The following TEP1 variants were observed in gnomAD, a reference collection of about 807,000 sequenced individuals.
TEP1 encodes the protein telomerase associated protein 1.
TEP1 carries 241 observed loss-of-function variants against 306.3 expected under a neutral mutation model. That is an observed-to-expected ratio of 0.79 (90% CI 0.71 to 0.88). The LOEUF (loss-of-function observed/expected upper bound fraction) is 0.88. Ranked by LOEUF, TEP1 falls within the 40% of genes least tolerant of loss-of-function variation. The pLI, the probability that TEP1 is intolerant of heterozygous loss-of-function variation, is 0.00. For synonymous variants in TEP1, 1,289 were observed against 1,305.5 expected (o/e 0.99, Z 0.27); for missense variants, 3,051 against 3,276.1 (o/e 0.93, Z 1.68).
At position 20,410,020 on chromosome 14, in the gene TEP1, C is replaced by CAAAAAAAA. The variant is rs570672845; in HGVS notation, c.-24-1565_-24-1558dup. ...TGGGCGACAGAGCAAGACTCTGTCT[C>CAAAAAAAA]AAAAAAAAAAAAAAAAAAAAAAAAA... On this transcript the variant is annotated intron_variant, in intron 1 of 54. Transcript: ENST00000262715. Among the ~76,000 whole-genome samples the CAAAAAAAA allele has an allele frequency of 2.1e-3, 126 of 58,940 alleles. 10 individuals carry two copies. The highest frequency in any genetic ancestry group is 0.01 in the Middle Eastern group (1 of 96). 38.7% of individuals were successfully genotyped at this position (58,940 alleles called of 152,430 possible). A position where few individuals can be genotyped will look rare whatever the true frequency, so the allele number is the denominator to read the frequency against.
At chr14:20,394,551 C>T (rs1002197598) in intron 12 of TEP1, among the ~76,000 whole-genome samples, 1 of 148,692 alleles carries the variant, frequency 6.7e-6, no homozygotes, top group Non-Finnish European at 1.5e-5. Flanking sequence ...GCGATCTCAG[C>T]TCACAGCAAC....
Position 20,384,472 on chromosome 14 carries a change from C to A in TEP1, c.3258G>T (p.Arg1086=). 1 of 1,614,138 alleles carries A rather than the reference C, an allele frequency of 6.2e-7. No homozygotes were observed. The highest frequency in any genetic ancestry group is 8.5e-7 in the Non-Finnish European group (1 of 1,180,028). ...PCEWGGVAAG[R]PYVGGLEEFG... is the part of the protein sequence containing the mutation. ...ACTCCTCCAGCCCGCCAACATAGGG[C>A]CGGCCAGCTGCCACACCCCCCCACT... Residue 1086 remains arginine, a synonymous_variant, in exon 23 of 55, where the codon CGG becomes CGT. Coordinates refer to ENST00000262715, the MANE Select transcript of TEP1 (RefSeq NM_007110.5).
At position 20,390,984 on chromosome 14, in the gene TEP1, T is replaced by A. The variant is rs776636689; in HGVS notation, c.2210A>T (p.Glu737Val). 1 of 1,614,176 alleles carries A rather than the reference T, an allele frequency of 6.2e-7. No individual in the cohort carries two copies. The highest frequency in any genetic ancestry group is 8.5e-7 in the Non-Finnish European group (1 of 1,180,036). The change falls in exon 14 of 55, where the codon GAA becomes GTA. Residue 737 changes from glutamate (E) to valine (V), a missense_variant. This residue lies in a region of TEP1 where 1,507 missense variants were observed against 1,550.5 expected (regional missense o/e 0.97). Coordinates refer to ENST00000262715, the MANE Select transcript of TEP1 (RefSeq NM_007110.5). ...DTLKTAVLKA[E>V]EGILKTAIKL... ...GATGGCAGTCTTCAGGATGCCTTCT[T>A]CTGCCTTAAGCACTGCAGTCTTCAG...
chr14:20,382,387 T>G, intron 28 of TEP1, 31 bp from the exon 29 acceptor site: 1 of 1,582,910 alleles, frequency 6.3e-7, no homozygotes. Flanking sequence ...CCTTGTTCAG[T>G]GCAGTGGGAG....
Position 20,389,623 on chromosome 14 carries a change from T to C in TEP1, c.2452A>G (p.Arg818Gly), listed in dbSNP as rs749602668. ...AAGCACCCTTACAGGTATTGTACCC[T>C]TCTTAGGAGGATACCAACAAAGAGG... The part of the protein sequence containing the change: ...KCLFVGILLR[R>G]VQYLSTDLNP... Residue 818 changes from arginine to glycine, a missense_variant, in exon 16 of 55, where the codon AGG (arginine) becomes GGG (glycine). Physicochemically the swap from Arg to Gly is moderately radical, Grantham distance 125. Coordinates refer to ENST00000262715, the MANE Select transcript of TEP1 (RefSeq NM_007110.5). 6.2e-7 allele frequency: 1 copy of C among 1,614,184 alleles called. No individual in the cohort carries two copies. The highest frequency in any genetic ancestry group is 1.7e-5 in the Admixed American group (1 of 60,026).
In TEP1 at chr14:20,384,340, G is replaced by C. The variant is rs148872333; in HGVS notation, c.3339+51C>G. ...GCTACTTCCTCCCCAGGACAACCCA[G>C]ACCACCCCATGTCCCTCTCCATGCC... On this transcript the variant is annotated intron_variant, in intron 23 of 54. Coordinates refer to ENST00000262715, the MANE Select transcript of TEP1 (RefSeq NM_007110.5). 1.8e-3 allele frequency: 2,966 copies of C among 1,612,390 alleles called. 12 individuals carry two copies. The highest frequency in any genetic ancestry group is 4.5e-3 in the Middle Eastern group (27 of 6,056).
Position 20,401,750 on chromosome 14 carries a change from A to G in TEP1, c.1267-169T>C, listed in dbSNP as rs1172845269. ...GAGGGTACAAATCTCTGGCAACAAG[A>G]GCTCCCATGGTAAGCAGCACAGGAT... On this transcript the variant is annotated intron_variant, in intron 7 of 54. Transcript: ENST00000262715. Among the ~76,000 whole-genome samples the G allele has an allele frequency of 2.0e-5, 3 of 152,304 alleles. No homozygotes were observed. The East Asian group carries it at 5.8e-4, about 29-fold the overall frequency.
Position 20,384,034 on chromosome 14 carries a change from G to A in TEP1, c.3534+4C>T. Reference sequence around the variant, plus strand: ...CTCCTGCCCAGGCCCCTGAGACTCTGTACCAGGAAGGCTGTCTTGCCCTGT... The same window carrying A: ...CTCCTGCCCAGGCCCCTGAGACTCTATACCAGGAAGGCTGTCTTGCCCTGT... On this transcript the variant is annotated splice_donor_region_variant and intron_variant, in intron 24 of 54. Coordinates refer to ENST00000262715, the MANE Select transcript of TEP1 (RefSeq NM_007110.5). The A allele has an allele frequency of 6.3e-7, 1 of 1,599,908 alleles. No homozygotes were observed. The highest frequency in any genetic ancestry group is 8.5e-7 in the Non-Finnish European group (1 of 1,173,110).
intron 9 of TEP1, among the ~76,000 whole-genome samples, chr14:20,397,803 G>C (rs1019198746): frequency 6.6e-6 from 1 of 151,898 alleles, no homozygotes; most frequent in Non-Finnish European, 1.5e-5. Context: ...ACCCAGGCTA[G>C]AGTGTGGTGG....
At chr14:20,387,873 C>G (rs1877334398) in intron 18 of TEP1, 32 bp downstream of exon 18, 1 of 1,558,058 alleles carries the variant, frequency 6.4e-7, no homozygotes, top group Non-Finnish European at 8.6e-7. Context: ...CAGCCCCTCC[C>G]AATTCACAAA....
chr14:20,384,791 T>C (rs1876978589), intron 21 of TEP1, 78 bp from the exon 22 acceptor site: 1 of 1,504,398 alleles, frequency 6.6e-7, no homozygotes. Flanking sequence ...CAGACATAGC[T>C]GTAATTTCCT....
rs762218522 is a variant in TEP1 at position 20,371,204 on chromosome 14, CA to C, written c.7317+13del. ...ACGAATGTTTGCTTTAGCACACACT[CA>C]AATAGGACTTACCAAGAAAGAAAGA... is the stretch of plus-strand genomic sequence containing the variant. On this transcript the variant is annotated intron_variant, in intron 51 of 54. Transcript: ENST00000262715. 1.2e-6 allele frequency: 2 copies of C among 1,609,360 alleles called. No individual in the cohort carries two copies. The highest frequency in any genetic ancestry group is 1.7e-5 in the Admixed American group (1 of 60,004).
intron 27 of TEP1, 113 bp downstream of exon 27, chr14:20,383,061 T>G: frequency 8.1e-7 from 1 of 1,235,292 alleles, no homozygotes; most frequent in Non-Finnish European, 1.1e-6. Context: ...ACAGAATTTC[T>G]GAGAAAACAA....
At chr14:20,393,648 G>A (rs560677836) in intron 12 of TEP1, among the ~76,000 whole-genome samples, 2 of 152,134 alleles carry the variant, frequency 1.3e-5, no homozygotes, top group South Asian at 4.2e-4. Flanking sequence ...AAAAATTAGC[G>A]GGGTGTGGTG....
Position 20,373,093 on chromosome 14 carries a change from G to T in TEP1, c.6869C>A (p.Pro2290Gln), listed in dbSNP as rs78398678. The T allele has an allele frequency of 6.2e-7, 1 of 1,614,188 alleles. No homozygotes were observed. Among genetic ancestry groups the T allele is most frequent in the East Asian group, 2.2e-5 (1 of 44,894 alleles). The change falls in exon 48 of 55, where the codon CCA becomes CAA. Residue 2290 changes from proline to glutamine, a missense_variant. Physicochemically the swap from Pro to Gln is moderately conservative, Grantham distance 76. Around this residue, in one of 3 missense-constraint regions of TEP1, gnomAD observed 1,540 missense variants for 1,705.9 expected, o/e 0.90. Coordinates refer to ENST00000262715, the MANE Select transcript of TEP1 (RefSeq NM_007110.5). ...TCCAGATACTGCCATGGAACCATCT[G>T]GTGCCCAAGCCACAGCAGTGACGGC... ...SAAVTAVAWA[P>Q]DGSMAVSGNQ...
In TEP1 at chr14:20,377,764, A is replaced by G. The variant is rs1885276228; in HGVS notation, c.5722-11T>C. ...TGACCACACCTGAACCTGGGAACCA[A>G]GAAAAGGGCTTAAGGATACCACCTC... On this transcript the variant is annotated splice_polypyrimidine_tract_variant and intron_variant, in intron 39 of 54. Coordinates refer to ENST00000262715, the MANE Select transcript of TEP1 (RefSeq NM_007110.5). 1 of 1,612,622 alleles carries G rather than the reference A, an allele frequency of 6.2e-7. No individual in the cohort carries two copies. Among genetic ancestry groups the G allele is most frequent in the South Asian group, 1.1e-5 (1 of 91,038 alleles).
intron 41 of TEP1, 31 bp downstream of exon 41, chr14:20,377,249 T>C (rs1885231266): frequency 6.6e-7 from 1 of 1,515,444 alleles, no homozygotes. Flanking sequence ...AGAACAGTAA[T>C]TTGTTAACCC....
At chr14:20,392,583 G>A (rs1877817261) in intron 12 of TEP1, among the ~76,000 whole-genome samples, 1 of 152,172 alleles carries the variant, frequency 6.6e-6, no homozygotes, top group Non-Finnish European at 1.5e-5. Context: ...TTTCACAGTA[G>A]CTCAATGCCA....
chr14:20,405,402 C>A, intron 4 of TEP1, 49 bp downstream of exon 4: 2 of 1,606,348 alleles, frequency 1.2e-6, no homozygotes, highest in Non-Finnish European at 1.7e-6. Flanking sequence ...TAACCACACT[C>A]CCAGTCTACC....
Sources: gnomAD v4.1 joint callset for allele counts (sites outside exome capture counted in the v4.1 genomes callset) on GRCh38, gnomAD v4.1.1 for gene constraint, gnomAD v4.1.1 regional missense constraint, MANE v1.5 for transcripts, NCBI Gene and HGNC (gene_info 2026-07-23, HGNC 2026-07-21) for gene names.